The following MYO3B variants were observed in gnomAD, a reference collection of about 807,000 sequenced individuals.
MYO3B encodes myosin-IIIb.
A neutral mutation model predicts 174.6 loss-of-function variants in MYO3B; 156 were observed. The observed-to-expected ratio is 0.89, with a 90% CI of 0.78 to 1.02. The LOEUF (loss-of-function observed/expected upper bound fraction) is 1.02. Among genes scored for constraint, MYO3B ranks in the 50% least tolerant of loss-of-function variants. The probability of loss-of-function intolerance (pLI) is 0.00; values close to 1 mark genes in which losing one functional copy is unlikely to be tolerated. For synonymous variants in MYO3B, 563 were observed against 569.1 expected, an observed-to-expected ratio of 0.99 and a Z score of 0.15; for missense variants, 1,632 against 1,639.4, an observed-to-expected ratio of 1.00 and a Z score of 0.08.
chr2:170,562,906 T>A (rs757084520), intron 32 of MYO3B, among the ~76,000 whole-genome samples: 1 of 142,046 alleles, frequency 7.0e-6, no homozygotes, highest in South Asian at 2.1e-4. Context: ...AGGGAAACTA[T>A]GTGAGATGCT....
At chr2:170,646,464 G>A (rs1217559519) in intron 32 of MYO3B, among the ~76,000 whole-genome samples, 1 of 151,346 alleles carries the variant, frequency 6.6e-6, no homozygotes, top group African/African-American at 2.4e-5. Flanking sequence ...GCGCGATCTC[G>A]GCTCACTGCA....
At chr2:170,644,823 A>C (rs1311590073) in intron 32 of MYO3B, among the ~76,000 whole-genome samples, 1 of 152,234 alleles carries the variant, frequency 6.6e-6, no homozygotes, top group Non-Finnish European at 1.5e-5. Flanking sequence ...AGTGCTCCTG[A>C]AATGCTATCC....
chr2:170,397,909 C>T (rs928565399), intron 16 of MYO3B, among the ~76,000 whole-genome samples: 3 of 152,216 alleles, frequency 2.0e-5, no homozygotes, highest in Non-Finnish European at 4.4e-5. Context: ...CTTTACTTAC[C>T]ATTACTGTTT....
chr2:170,277,734 G>A (rs1483085634), intron 7 of MYO3B, among the ~76,000 whole-genome samples: 7 of 151,890 alleles, frequency 4.6e-5, no homozygotes. Flanking sequence ...ACAAATAAAT[G>A]TCTTACAGAG....
intron 32 of MYO3B, among the ~76,000 whole-genome samples, chr2:170,583,939 A>C (rs894135050): frequency 1.3e-5 from 2 of 152,234 alleles, no homozygotes; most frequent in Non-Finnish European, 2.9e-5. Flanking sequence ...AAGCTAACTT[A>C]CAAAAGACCT....
At chr2:170,561,065 C>T (rs1691679435) in intron 32 of MYO3B, among the ~76,000 whole-genome samples, 1 of 152,206 alleles carries the variant, frequency 6.6e-6, no homozygotes. Context: ...CAAGGTACCT[C>T]CCTTCTCTTG....
intron 9 of MYO3B, 116 bp downstream of exon 9, chr2:170,369,493 GT>G: frequency 8.3e-7 from 1 of 1,202,374 alleles, no homozygotes; most frequent in Non-Finnish European, 1.2e-6. Context: ...ATTTTTAAGA[GT>G]TTTATTTACA....
chr2:170,229,360 A>G (rs1297178408), intron 6 of MYO3B, among the ~76,000 whole-genome samples: 2 of 152,206 alleles, frequency 1.3e-5, no homozygotes, highest in Non-Finnish European at 2.9e-5. Context: ...AGCTGAATGT[A>G]GCTCTTGAGA....
chr2:170,216,708 C>A (rs1220052024), intron 5 of MYO3B, among the ~76,000 whole-genome samples: 1 of 152,216 alleles, frequency 6.6e-6, no homozygotes, highest in East Asian at 1.9e-4. Flanking sequence ...TATGTCTACA[C>A]TGATGCTCTG....
chr2:170,422,937 A>G (rs886430160), intron 22 of MYO3B, among the ~76,000 whole-genome samples: 29 of 142,328 alleles, frequency 2.0e-4, no homozygotes, highest in Non-Finnish European at 3.7e-4. Context: ...TTTTATATCT[A>G]TGGCACATTT....
chr2:170,649,371 A>G, intron 32 of MYO3B, among the ~76,000 whole-genome samples: 1 of 112,046 alleles, frequency 8.9e-6, no homozygotes, highest in East Asian at 2.3e-4. Flanking sequence ...ATTATATAAA[A>G]ATATAAATAT....
intron 7 of MYO3B, among the ~76,000 whole-genome samples, chr2:170,304,526 G>A (rs1239489217): frequency 3.4e-5 from 5 of 147,568 alleles, no homozygotes; most frequent in African/African-American, 1.3e-4. Context: ...GTGCAGTGGC[G>A]TGACCTCAGC....
In MYO3B at chr2:170,387,040, T is replaced by C. The variant is rs887994454; in HGVS notation, c.1375-66T>C. The C allele has an allele frequency of 1.7e-5, 26 of 1,537,078 alleles. No homozygotes were observed. In the African/African-American group the frequency reaches 3.1e-4, roughly 19 times the overall value. On this transcript the variant is annotated intron_variant, in intron 13 of 34. Transcript: ENST00000408978. ...GTGGATTTTGGTGGGCAAGGGATGG[T>C]GCCTGGCAACTTTGCTGGTGTAATG...
chr2:170,401,259 T>A (rs2094474168), intron 17 of MYO3B, among the ~76,000 whole-genome samples: 1 of 149,396 alleles, frequency 6.7e-6, no homozygotes, highest in East Asian at 1.9e-4. Flanking sequence ...CTCCTCTTCC[T>A]TTTTTTTCAT....
chr2:170,410,594 A>G (rs2094540013), intron 22 of MYO3B, among the ~76,000 whole-genome samples: 1 of 11,276 alleles, frequency 8.9e-5, no homozygotes, highest in African/African-American at 3.8e-4. Flanking sequence ...AAAAAAAAGA[A>G]AAAAAAAAAA....
intron 25 of MYO3B, among the ~76,000 whole-genome samples, chr2:170,482,350 T>G (rs951260961): frequency 6.6e-6 from 1 of 152,316 alleles, no homozygotes; most frequent in East Asian, 1.9e-4. Flanking sequence ...AGACGGGGTT[T>G]CACCATGTTG....
intron 14 of MYO3B, among the ~76,000 whole-genome samples, chr2:170,391,311 G>A (rs1247502709): frequency 6.6e-6 from 1 of 152,134 alleles, no homozygotes; most frequent in Non-Finnish European, 1.5e-5. Flanking sequence ...GAAACCTTTT[G>A]CTTGTCGTAA....
chr2:170,502,340 C>G (rs1327494852), intron 28 of MYO3B, among the ~76,000 whole-genome samples: 1 of 152,192 alleles, frequency 6.6e-6, no homozygotes, highest in Non-Finnish European at 1.5e-5. Context: ...TTTTGGAATT[C>G]TCTAATTATA....
intron 7 of MYO3B, among the ~76,000 whole-genome samples, chr2:170,298,195 G>T (rs1397151954): frequency 6.6e-6 from 1 of 152,042 alleles, no homozygotes; most frequent in Non-Finnish European, 1.5e-5. Context: ...TGATCCAGTT[G>T]AAAGCATCTC....
Sources: allele counts gnomAD v4.1 joint callset (sites outside exome capture counted in the v4.1 genomes callset), GRCh38; gene constraint gnomAD v4.1.1; transcripts MANE v1.5; gene names NCBI Gene and HGNC (gene_info 2026-07-23, HGNC 2026-07-21).